PPARGC1A: variants seen among roughly 807,000 people sequenced by gnomAD.
The protein encoded by PPARGC1A is PPARG coactivator 1 alpha.
A neutral mutation model predicts 88.7 loss-of-function variants in PPARGC1A; 25 were observed. That is an observed-to-expected ratio of 0.28 (90% CI 0.21 to 0.39). The LOEUF (loss-of-function observed/expected upper bound fraction) is 0.39. Ranked by LOEUF, PPARGC1A falls within the 10% of genes least tolerant of loss-of-function variation. The pLI, the probability that PPARGC1A is intolerant of heterozygous loss-of-function variation, is 1.00. For missense variants in PPARGC1A, 880 were observed against 968.7 expected, an observed-to-expected ratio of 0.91 and a Z score of 1.22; for synonymous variants, 363 against 355.6, an observed-to-expected ratio of 1.02 and a Z score of -0.24.
At chr4:23,922,795 C>T in the PPARGC1A span, among the ~76,000 whole-genome samples, 1 of 152,166 alleles carries the variant, frequency 6.6e-6, no homozygotes, top group African/African-American at 2.4e-5. Flanking sequence ...CTCACCCGGG[C>T]TACACCACTA....
the PPARGC1A span, among the ~76,000 whole-genome samples, chr4:24,161,033 G>A: frequency 2.0e-5 from 3 of 152,184 alleles, no homozygotes; most frequent in Non-Finnish European, 4.4e-5. Context: ...CTGGCTATAG[G>A]ATAAGTGATC....
At chr4:24,403,234 G>C in the PPARGC1A span, among the ~76,000 whole-genome samples, 1 of 152,206 alleles carries the variant, frequency 6.6e-6, no homozygotes, top group African/African-American at 2.4e-5. Context: ...GATGAAATGA[G>C]ATAAGGTGGT....
chr4:23,857,497 G>A (rs1730410441), intron 2 of PPARGC1A, among the ~76,000 whole-genome samples: 1 of 151,418 alleles, frequency 6.6e-6, no homozygotes, highest in African/African-American at 2.4e-5. Context: ...TTCAATTCAT[G>A]GAATTTCAGA....
the PPARGC1A span, among the ~76,000 whole-genome samples, chr4:24,245,807 T>G: frequency 6.6e-6 from 1 of 152,238 alleles, no homozygotes; most frequent in Non-Finnish European, 1.5e-5. Flanking sequence ...CATATAATTT[T>G]GTAATCATAT....
the PPARGC1A span, among the ~76,000 whole-genome samples, chr4:24,408,429 G>A: frequency 7.9e-5 from 12 of 151,404 alleles, no homozygotes; most frequent in African/African-American, 1.2e-4. Flanking sequence ...TATTGTGATC[G>A]CAAATAATTG....
At chr4:23,920,550 G>C in the PPARGC1A span, among the ~76,000 whole-genome samples, 1 of 152,126 alleles carries the variant, frequency 6.6e-6, no homozygotes, top group Non-Finnish European at 1.5e-5. Flanking sequence ...GCCAGCAAAT[G>C]CCTTTTACCC....
At chr4:24,389,113 T>C in the PPARGC1A span, among the ~76,000 whole-genome samples, 3 of 152,258 alleles carry the variant, frequency 2.0e-5, no homozygotes, top group East Asian at 5.8e-4. Flanking sequence ...CTATTTACAG[T>C]AGTAAATAAA....
In PPARGC1A at chr4:23,795,845, C is replaced by T. The variant is rs1272891795; in HGVS notation, c.2374G>A (p.Ala792Thr). 4 of 1,611,316 alleles carry T rather than the reference C, an allele frequency of 2.5e-6. No homozygotes were observed. The highest frequency in any genetic ancestry group is 1.3e-5 in the African/African-American group (1 of 74,602). ...SLDFDSLLKEAQRSLRR is the reference protein window; with the variant it reads ...SLDFDSLLKETQRSLRR ...TGTTACCTGCGCAAGCTTCTCTGAG[C>T]TTCTTTCAGTAAACTATCAAAATCC... The change falls in exon 13 of 13, where the codon GCT becomes ACT. Residue 792 changes from alanine to threonine, a missense_variant. Ala to Thr is a moderately conservative substitution (Grantham distance 58, BLOSUM62 0). Transcript: ENST00000264867.
At chr4:23,896,173 G>A (rs2970863) in intron 1 of PPARGC1A, among the ~76,000 whole-genome samples, 118,567 of 151,816 alleles carry the variant, frequency 0.78, 47,394 homozygotes, top group African/African-American at 0.93. Context: ...AGGAGGAAAT[G>A]TAACAAGCTG....
the PPARGC1A span, among the ~76,000 whole-genome samples, chr4:24,132,454 G>A: frequency 1.3e-5 from 2 of 152,154 alleles, no homozygotes; most frequent in Non-Finnish European, 2.9e-5. Flanking sequence ...GTTAAACAGT[G>A]CAGAACTCTC....
the PPARGC1A span, among the ~76,000 whole-genome samples, chr4:24,055,032 T>C: frequency 6.6e-6 from 1 of 152,194 alleles, no homozygotes; most frequent in Non-Finnish European, 1.5e-5. Context: ...ATGAGGAAGT[T>C]GAAACACAAG....
upstream of PPARGC1A, among the ~76,000 whole-genome samples, chr4:23,906,340 C>T (rs1224483441): frequency 2.0e-5 from 3 of 151,566 alleles, no homozygotes; most frequent in Non-Finnish European, 4.4e-5. Flanking sequence ...CAGCCGGGCG[C>T]GGTGGCTCAT....
At chr4:23,997,498 T>C in the PPARGC1A span, among the ~76,000 whole-genome samples, 4 of 41,358 alleles carry the variant, frequency 9.7e-5, no homozygotes, top group African/African-American at 1.9e-4. Flanking sequence ...AAGAAAGCCC[T>C]TTTTTTTTTT....
chr4:24,086,073 T>C, the PPARGC1A span, among the ~76,000 whole-genome samples: 34 of 152,318 alleles, frequency 2.2e-4, no homozygotes, highest in Middle Eastern at 3.4e-3. Context: ...ATTCCTGAAA[T>C]TATTACCTTC....
intron 7 of PPARGC1A, among the ~76,000 whole-genome samples, chr4:23,816,531 T>C (rs2109500475): frequency 7.1e-6 from 1 of 141,434 alleles, no homozygotes; most frequent in Admixed American, 7.4e-5. Flanking sequence ...CACTTGCAAT[T>C]CCCAGCGAGA....
the PPARGC1A span, among the ~76,000 whole-genome samples, chr4:24,146,645 T>G: frequency 6.6e-6 from 1 of 152,220 alleles, no homozygotes; most frequent in Non-Finnish European, 1.5e-5. Flanking sequence ...AGCTGCATGC[T>G]GCCTATATGA....
the PPARGC1A span, among the ~76,000 whole-genome samples, chr4:24,456,452 G>A: frequency 1.3e-5 from 2 of 152,144 alleles, no homozygotes; most frequent in African/African-American, 4.8e-5. Flanking sequence ...GAGTGAGCTT[G>A]ATATTCCATA....
chr4:24,305,125 A>ATG, the PPARGC1A span, among the ~76,000 whole-genome samples: 1 of 93,960 alleles, frequency 1.1e-5, no homozygotes, highest in African/African-American at 5.5e-5. Context: ...ACATACATAT[A>ATG]TGTGTATGTA....
At chr4:23,869,986 A>G (rs908248169) in intron 2 of PPARGC1A, among the ~76,000 whole-genome samples, 1 of 152,226 alleles carries the variant, frequency 6.6e-6, no homozygotes, top group Non-Finnish European at 1.5e-5. Flanking sequence ...CAATAGCTGT[A>G]TTTTTAAGGG....
Sources: allele counts gnomAD v4.1 joint callset (sites outside exome capture counted in the v4.1 genomes callset), GRCh38; gene constraint gnomAD v4.1.1; transcripts MANE v1.5; gene names NCBI Gene and HGNC (gene_info 2026-07-23, HGNC 2026-07-21).